The following IFI27L2 variants were observed in gnomAD, a reference collection of about 807,000 sequenced individuals.
IFI27L2 encodes interferon alpha-inducible protein 27-like protein 2.
A neutral mutation model predicts 7.9 loss-of-function variants in IFI27L2; 8 were observed. The ratio of observed to expected loss-of-function variants is 1.02; its 90% CI spans 0.60 to 1.84. The LOEUF (loss-of-function observed/expected upper bound fraction) is 1.84, where lower values mean the gene tolerates loss of function less well. IFI27L2 is among the 40% of genes most tolerant of loss of function. IFI27L2 has a pLI of 0.00. For missense variants in IFI27L2, 190 were observed against 165.8 expected, an observed-to-expected ratio of 1.15 and a Z score of -0.80; for synonymous variants, 56 against 66.5, an observed-to-expected ratio of 0.84 and a Z score of 0.77.
At position 94,127,944 on chromosome 14, in the gene IFI27L2, C is replaced by T. The variant is rs1468919293; in HGVS notation, c.248G>A (p.Gly83Glu). ...TSSNILLASV[G>E]SVLGACLGNS... ...CCCCAAGCAGGCCCCCAACACTGAC[C>T]CAACAGAGGCCAGGAGGATGTTGGA... Residue 83 changes from glycine (G) to glutamate (E), a missense_variant, in exon 4 of 4, where the codon GGG (glycine) becomes GAG (glutamate). Coordinates refer to ENST00000238609, the MANE Select transcript of IFI27L2 (RefSeq NM_032036.3). 2.5e-6 allele frequency: 4 copies of T among 1,613,876 alleles called. No individual in the cohort carries two copies. Among genetic ancestry groups the T allele is most frequent in the African/African-American group, 1.3e-5 (1 of 75,012 alleles).
rs190649046 is a variant in IFI27L2 at position 94,128,896 on chromosome 14, A to G, written c.38-221T>C. ...CAGCCATGGCCCTGGTTTGTCTCTA[A>G]CTTGCTGTGTGATGCTGAGGAAGTC... On this transcript the variant is annotated intron_variant, in intron 2 of 3. Coordinates refer to ENST00000238609, the MANE Select transcript of IFI27L2 (RefSeq NM_032036.3). The G allele has an allele frequency of 5.9e-5, 35 of 595,302 alleles. No homozygotes were observed. The African/African-American group carries it at 6.0e-4, about 10-fold the overall frequency. 36.9% of individuals were successfully genotyped at this position (595,302 alleles called of 1,614,324 possible).
At chr14:94,128,100 A>T (rs538158935) in intron 3 of IFI27L2, 108 bp from the exon 4 acceptor site, 4 of 715,050 alleles carry the variant, frequency 5.6e-6, no homozygotes, top group Non-Finnish European at 9.5e-6. Flanking sequence ...CATGGGTAGA[A>T]GCTGCTAGAG....
Position 94,128,007 on chromosome 14 carries a change from G to T in IFI27L2, c.200-15C>A. The stretch of plus-strand genomic sequence containing the variant: ...TCCAGCTGCCCCTGTGGAGGAGACA[G>T]AGAATGAGCACAGGGGTCGGGCAGT... On this transcript the variant is annotated splice_polypyrimidine_tract_variant and intron_variant, in intron 3 of 3. Coordinates refer to ENST00000238609, the MANE Select transcript of IFI27L2 (RefSeq NM_032036.3). The T allele has an allele frequency of 6.3e-7, 1 of 1,593,870 alleles. No individual in the cohort carries two copies. Among genetic ancestry groups the T allele is most frequent in the Non-Finnish European group, 8.6e-7 (1 of 1,163,300 alleles).
intron 2 of IFI27L2, chr14:94,128,889 GTC>G: frequency 1.7e-6 from 1 of 598,770 alleles, no homozygotes; most frequent in Admixed American, 3.0e-5. Flanking sequence ...GCCCTGGTTT[GTC>G]TCTAACTTGC....
At chr14:94,128,013 G>A (rs1010912097) in intron 3 of IFI27L2, 21 bp from the exon 4 acceptor site, 4 of 1,569,150 alleles carry the variant, frequency 2.5e-6, no homozygotes, top group Non-Finnish European at 2.6e-6. Context: ...GACAGAGAAT[G>A]AGCACAGGGG....
rs1351486882 is a variant in IFI27L2 at position 94,129,583 on chromosome 14, C to A, written c.-19G>T. The A allele has an allele frequency of 6.2e-7, 1 of 1,613,438 alleles. No homozygotes were observed. Among genetic ancestry groups the A allele is most frequent in the Non-Finnish European group, 8.5e-7 (1 of 1,179,576 alleles). ...TCATCATGGTGAGGCCGTCCGGGTC[C>A]CAACTTGGCCCAGGAAATGACAGCG... On this transcript the variant is annotated 5_prime_UTR_variant, in exon 1 of 4. Transcript: ENST00000238609.
Position 94,128,550 on chromosome 14 carries a change from A to T in IFI27L2, c.163T>A (p.Ser55Thr). Reference sequence around the variant, plus strand: ...AGAGTAGCCACCAGGCTCCCCGCAGAAACACCACCCCCGTTGGCAATGGCT... The same window carrying T: ...AGAGTAGCCACCAGGCTCCCCGCAGTAACACCACCCCCGTTGGCAATGGCT... Reference protein sequence around the residue: ...AAAIANGGGVSAGSLVATLQS... With the variant: ...AAAIANGGGVTAGSLVATLQS... Residue 55 changes from serine to threonine, a missense_variant, in exon 3 of 4, where the codon TCT (serine) becomes ACT (threonine). By Grantham distance (58) the Ser-to-Thr change is moderately conservative. Coordinates refer to ENST00000238609, the MANE Select transcript of IFI27L2 (RefSeq NM_032036.3). 6.2e-7 allele frequency: 1 copy of T among 1,614,216 alleles called. No homozygotes were observed. The highest frequency in any genetic ancestry group is 8.5e-7 in the Non-Finnish European group (1 of 1,180,030).
chr14:94,128,861 A>C (rs1887633250), intron 2 of IFI27L2, 186 bp from the exon 3 acceptor site: 2 of 607,638 alleles, frequency 3.3e-6, no homozygotes, highest in Non-Finnish European at 5.8e-6. Flanking sequence ...CAAAGATGTC[A>C]TAGAAGGACC....
Position 94,128,609 on chromosome 14 carries a change from G to T in IFI27L2, c.104C>A (p.Ala35Glu). 2 of 1,614,080 alleles carry T rather than the reference G, an allele frequency of 1.2e-6. No individual in the cohort carries two copies. The highest frequency in any genetic ancestry group is 1.7e-6 in the Non-Finnish European group (2 of 1,179,954). Residue 35 changes from alanine (A) to glutamate (E), a missense_variant, in exon 3 of 4, where the codon GCG becomes GAG. Transcript: ENST00000238609. ...AMGFTGAGIAASSIAAKMMSA... is the reference protein window; with the variant it reads ...AMGFTGAGIAESSIAAKMMSA... Reference sequence around the variant, plus strand: ...CATCATCTTGGCTGCTATGGAGGACGCGGCGATTCCTGCCCCAGTGAAGCC... The same window carrying T: ...CATCATCTTGGCTGCTATGGAGGACTCGGCGATTCCTGCCCCAGTGAAGCC...
rs1321898300 is a variant in IFI27L2 at position 94,128,567 on chromosome 14, G to A, written c.146C>T (p.Ala49Val). 6.2e-7 allele frequency: 1 copy of A among 1,614,058 alleles called. No individual in the cohort carries two copies. The highest frequency in any genetic ancestry group is 1.3e-5 in the African/African-American group (1 of 74,918). Residue 49 changes from alanine (A) to valine (V), a missense_variant, in exon 3 of 4, where the codon GCC becomes GTC. By Grantham distance (64) the Ala-to-Val change is moderately conservative. Transcript: ENST00000238609. ...CCCCGCAGAAACACCACCCCCGTTG[G>A]CAATGGCTGCTGCGGACATCATCTT... is the stretch of plus-strand genomic sequence containing the variant. ...AAKMMSAAAI[A>V]NGGGVSAGSL... is the part of the protein sequence containing the mutation.
rs763401045 is a variant in IFI27L2 at position 94,129,285 on chromosome 14, G to A, written c.14C>T (p.Ala5Val). The A allele has an allele frequency of 6.2e-7, 1 of 1,612,642 alleles. No homozygotes were observed. The highest frequency in any genetic ancestry group is 1.1e-5 in the South Asian group (1 of 90,900). Residue 5 changes from alanine (A) to valine (V), a missense_variant, in exon 2 of 4, where the codon GCA becomes GTA. Coordinates refer to ENST00000238609, the MANE Select transcript of IFI27L2 (RefSeq NM_032036.3). ...ACCTCCTCCCACTGCAGCAGCAGCT[G>A]CCCGTTCTAGAGAGAGAGTGCCAGG... Reference protein sequence around the residue: MMKRAAAAAVGGALA... With the variant: MMKRVAAAAVGGALA...
intron 1 of IFI27L2, 71 bp from the exon 2 acceptor site, chr14:94,129,362 A>C: frequency 1.0e-6 from 1 of 980,084 alleles, no homozygotes; most frequent in Non-Finnish European, 1.5e-6. Flanking sequence ...GAAGGGCAGA[A>C]AGGGAGGGAG....
chr14:94,129,502 T>G (rs564915728), intron 1 of IFI27L2, 56 bp downstream of exon 1: 3 of 1,544,012 alleles, frequency 1.9e-6, no homozygotes, highest in African/African-American at 1.4e-5. Context: ...TGGGCTGGGG[T>G]TGGGGAAGCC....
Position 94,129,426 on chromosome 14 carries a change from G to A in IFI27L2, c.7+132C>T, listed in dbSNP as rs994029942. 2.9e-6 allele frequency: 3 copies of A among 1,048,514 alleles called. No individual in the cohort carries two copies. In the African/African-American group the frequency reaches 4.7e-5, roughly 16 times the overall value. 65.0% of individuals were successfully genotyped at this position (1,048,514 alleles called of 1,614,324 possible). A position where few individuals can be genotyped will look rare whatever the true frequency, so the allele number is the denominator to read the frequency against. ...AAGGGAAGGGGAGGGAGGAAGGGAG[G>A]GAGAGGGAGTCAGTAGGTCAGCTGG... On this transcript the variant is annotated intron_variant, in intron 1 of 3. Coordinates refer to ENST00000238609, the MANE Select transcript of IFI27L2 (RefSeq NM_032036.3).
chr14:94,128,142 C>T (rs138532919), intron 3 of IFI27L2, 150 bp from the exon 4 acceptor site: 40 of 612,960 alleles, frequency 6.5e-5, no homozygotes, highest in East Asian at 1.4e-4. Flanking sequence ...GGTGAATTCA[C>T]GGAAACTGAG....
intron 2 of IFI27L2, chr14:94,128,982 C>A: frequency 3.5e-6 from 2 of 570,208 alleles, no homozygotes; most frequent in Non-Finnish European, 6.2e-6. Context: ...TGTGTCCACG[C>A]ATAAATGTGA....
rs60745025 is a variant in IFI27L2, at chr14:94,128,945, T to TTGTGTGTGTG, written c.38-280_38-271dup. The TTGTGTGTGTG allele has an allele frequency of 2.2e-3, 1,151 of 532,782 alleles. 10 individuals carry two copies. The highest frequency in any genetic ancestry group is 0.017 in the African/African-American group (859 of 50,878). 33.0% of individuals were successfully genotyped at this position (532,782 alleles called of 1,614,324 possible). A position where few individuals can be genotyped will look rare whatever the true frequency, so the allele number is the denominator to read the frequency against. On this transcript the variant is annotated intron_variant, in intron 2 of 3. Transcript: ENST00000238609. ...TCAATACCCTTCATTGGTCTCAAAT[T>TTGTGTGTGTG]TGTGTGTGTGTGTGTGTGTGTGTGT...
chr14:94,129,545 A>T lies in IFI27L2; in HGVS notation c.7+13T>A, dbSNP rs569017564. 1,511 of 1,612,608 alleles carry T rather than the reference A, an allele frequency of 9.4e-4. 7 individuals are homozygous for T. In the African/African-American group the frequency reaches 0.018, roughly 19 times the overall value. ...AGCCCAGCCCGCCAGCCCCCTGGGG[A>T]AGCAAGACTCACTCATCATGGTGAG... On this transcript the variant is annotated intron_variant, in intron 1 of 3. Coordinates refer to ENST00000238609, the MANE Select transcript of IFI27L2 (RefSeq NM_032036.3).
chr14:94,129,461 T>C, intron 1 of IFI27L2, 97 bp downstream of exon 1: 1 of 1,256,102 alleles, frequency 8.0e-7, no homozygotes, highest in Non-Finnish European at 1.2e-6. Flanking sequence ...GTTGATGAAG[T>C]CAGGGAATGA....
Sources: allele counts gnomAD v4.1 joint callset, GRCh38; gene constraint gnomAD v4.1.1; transcripts MANE v1.5; gene names NCBI Gene and HGNC (gene_info 2026-07-23, HGNC 2026-07-21).